The following SIRPG variants were observed in gnomAD, a reference collection of about 807,000 sequenced individuals.
SIRPG encodes signal-regulatory protein gamma.
In SIRPG, 38 loss-of-function variants were observed where a neutral mutation model predicts 35.7. That is an observed-to-expected ratio of 1.06 (90% CI 0.82 to 1.40). SIRPG has a LOEUF of 1.40. Ranked by LOEUF, SIRPG falls within the 40% of genes most tolerant of loss-of-function variation. The pLI is 0.00. For synonymous variants in SIRPG, 215 were observed against 190.4 expected, an observed-to-expected ratio of 1.13 and a Z score of -1.06; for missense variants, 519 against 483.0, an observed-to-expected ratio of 1.07 and a Z score of -0.70.
At chr20:1,645,999 A>T (rs2091894680) in intron 2 of SIRPG, 1 of 152,232 alleles carries the variant, frequency 6.6e-6, no homozygotes, top group African/African-American at 2.4e-5. Flanking sequence ...TAGGTGATTT[A>T]CAGAGAGAAC....
chr20:1,638,862 C>T (rs2091826761), intron 2 of SIRPG, among the ~76,000 whole-genome samples: 1 of 148,384 alleles, frequency 6.7e-6, no homozygotes. Context: ...TGAGTGAGAA[C>T]ATGTGGTGTT....
chr20:1,634,759 G>A (rs537613856), intron 4 of SIRPG, among the ~76,000 whole-genome samples: 2 of 152,078 alleles, frequency 1.3e-5, no homozygotes, highest in African/African-American at 4.8e-5. Context: ...ATATATTTAT[G>A]TACGCCAGGC....
chr20:1,675,335 T>G, the SIRPG span, among the ~76,000 whole-genome samples: 2 of 152,204 alleles, frequency 1.3e-5, no homozygotes, highest in East Asian at 1.9e-4. Context: ...ATGCTTCATG[T>G]GTGCTGAGAC....
intron 2 of SIRPG, chr20:1,646,562 G>C (rs966941349): frequency 3.3e-5 from 5 of 152,296 alleles, no homozygotes; most frequent in African/African-American, 1.2e-4. Flanking sequence ...AAACAGGCTT[G>C]ACATATAGTG....
chr20:1,649,033 A>T lies in SIRPG; in HGVS notation c.430+19T>A. The T allele has an allele frequency of 1.3e-6, 2 of 1,581,144 alleles. No homozygotes were observed. The highest frequency in any genetic ancestry group is 1.7e-6 in the Non-Finnish European group (2 of 1,151,558). ...ATTGTCACACATCAGGGGATGAGGG[A>T]GGTCCATGTTGTACTCACCACCCAA... On this transcript the variant is annotated intron_variant, in intron 2 of 5. Coordinates refer to ENST00000303415, the MANE Select transcript of SIRPG (RefSeq NM_018556.4).
intron 2 of SIRPG, among the ~76,000 whole-genome samples, chr20:1,639,012 G>A (rs374604700): frequency 2.7e-4 from 41 of 152,148 alleles, no homozygotes; most frequent in African/African-American, 8.7e-4. Flanking sequence ...TCTTTGTCCA[G>A]TCTATCACTG....
rs567468202 is a variant in SIRPG at position 1,646,398 on chromosome 20, C to T, written c.430+2654G>A. On this transcript the variant is annotated intron_variant, in intron 2 of 5. Coordinates refer to ENST00000303415, the MANE Select transcript of SIRPG (RefSeq NM_018556.4). ...GTAGGAAATACCTCATCTCCTCATC[C>T]TTAGTCCTCAGCACCAAGAAGAGGT... is the stretch of plus-strand genomic sequence containing the variant. The T allele has an allele frequency of 2.0e-5, 3 of 152,424 alleles. No homozygotes were observed. In the East Asian group the frequency reaches 5.8e-4, roughly 29 times the overall value. The allele number at this position is 152,424 out of a possible 1,614,324, so 9.4% of individuals were successfully genotyped here.
At chr20:1,651,416 A>G (rs1290667196) in intron 1 of SIRPG, 2 of 152,194 alleles carry the variant, frequency 1.3e-5, no homozygotes, top group African/African-American at 4.8e-5. Context: ...ATTAAAGGCA[A>G]TGGCTTCTCA....
the SIRPG span, among the ~76,000 whole-genome samples, chr20:1,674,093 A>G: frequency 6.6e-6 from 1 of 152,180 alleles, no homozygotes; most frequent in Admixed American, 6.5e-5. Flanking sequence ...ATGGAGGACC[A>G]CTTTTGCTAG....
At chr20:1,650,002 GTGTATATATATATA>G (rs1306327334) in intron 1 of SIRPG, among the ~76,000 whole-genome samples, 6 of 81,392 alleles carry the variant, frequency 7.4e-5, no homozygotes, top group African/African-American at 9.9e-5. Flanking sequence ...ACTTTGAAGT[GTGTATATATATATA>G]TATATATATA....
intron 1 of SIRPG, among the ~76,000 whole-genome samples, chr20:1,652,931 T>C (rs920098137): frequency 4.6e-5 from 7 of 152,334 alleles, no homozygotes; most frequent in African/African-American, 1.7e-4. Context: ...ATGTGTGTAA[T>C]GTTTGAATTG....
At chr20:1,663,598 G>C in the SIRPG span, among the ~76,000 whole-genome samples, 2 of 152,174 alleles carry the variant, frequency 1.3e-5, no homozygotes, top group Non-Finnish European at 2.9e-5. Flanking sequence ...ATTGACAAGC[G>C]CTATAAATCG....
At chr20:1,657,049 T>C (rs937004120) in intron 1 of SIRPG, among the ~76,000 whole-genome samples, 1 of 152,098 alleles carries the variant, frequency 6.6e-6, no homozygotes, top group East Asian at 1.9e-4. Context: ...GCTGATGTTC[T>C]CATAAGAGAA....
chr20:1,665,356 G>T, the SIRPG span: 1 of 163,684 alleles, frequency 6.1e-6, no homozygotes, highest in South Asian at 1.5e-4. Flanking sequence ...CCCAGGAGGA[G>T]AGCTACAAGG....
chr20:1,656,713 T>TA (rs958042111), intron 1 of SIRPG, among the ~76,000 whole-genome samples: 2 of 151,982 alleles, frequency 1.3e-5, no homozygotes, highest in Non-Finnish European at 2.9e-5. Flanking sequence ...GAAGGGAAAA[T>TA]AAATTCTCCA....
intron 1 of SIRPG, among the ~76,000 whole-genome samples, chr20:1,654,811 A>G (rs965082376): frequency 2.0e-5 from 3 of 152,230 alleles, no homozygotes; most frequent in African/African-American, 7.2e-5. Context: ...TATACAAAAT[A>G]TATAAGGAAG....
chr20:1,650,004 G>GTATATATATATATATA (rs71193923), intron 1 of SIRPG, among the ~76,000 whole-genome samples: 30 of 98,802 alleles, frequency 3.0e-4, no homozygotes, highest in African/African-American at 9.7e-4. Flanking sequence ...TTTGAAGTGT[G>GTATATATATATATATA]TATATATATA....
intron 1 of SIRPG, among the ~76,000 whole-genome samples, chr20:1,652,533 A>G (rs2091947100): frequency 6.6e-6 from 1 of 152,228 alleles, no homozygotes; most frequent in Non-Finnish European, 1.5e-5. Flanking sequence ...GAATATGAGT[A>G]TGTTTCAATA....
chr20:1,663,752 C>T, the SIRPG span, among the ~76,000 whole-genome samples: 3 of 152,250 alleles, frequency 2.0e-5, no homozygotes, highest in Non-Finnish European at 4.4e-5. Context: ...ACTGTCGCGG[C>T]ATTCCTGCCA....
Sources: allele counts gnomAD v4.1 joint callset (sites outside exome capture counted in the v4.1 genomes callset), GRCh38; gene constraint gnomAD v4.1.1; transcripts MANE v1.5; gene names NCBI Gene and HGNC (gene_info 2026-07-23, HGNC 2026-07-21).